The following ARL15 variants were observed in gnomAD, a reference collection of about 807,000 sequenced individuals.
ARL15 encodes ARF like GTPase 15.
A neutral mutation model predicts 25.2 loss-of-function variants in ARL15; 19 were observed. The observed-to-expected ratio is 0.75, with a 90% CI of 0.53 to 1.10. ARL15 has a LOEUF of 1.10. ARL15 is among the 50% of genes least tolerant of loss of function. The probability of loss-of-function intolerance (pLI) is 0.00; values close to 1 mark genes in which losing one functional copy is unlikely to be tolerated. For missense variants in ARL15, 220 were observed against 246.0 expected, an observed-to-expected ratio of 0.89 and a Z score of 0.71; for synonymous variants, 94 against 86.8, an observed-to-expected ratio of 1.08 and a Z score of -0.46.
At chr5:54,218,258 G>GT (rs906415020) in intron 1 of ARL15, among the ~76,000 whole-genome samples, 4 of 152,110 alleles carry the variant, frequency 2.6e-5, no homozygotes, top group Admixed American at 6.5e-5. Context: ...AAAGAGCATG[G>GT]TTTTTTTAAA....
intron 1 of ARL15, among the ~76,000 whole-genome samples, chr5:54,180,198 T>C (rs560402416): frequency 5.0e-4 from 76 of 151,986 alleles, no homozygotes; most frequent in African/African-American, 1.8e-3. Context: ...AATAAGCAAA[T>C]ACTAAATAAA....
At chr5:54,248,427 A>G (rs540973507) in intron 1 of ARL15, among the ~76,000 whole-genome samples, 1 of 152,222 alleles carries the variant, frequency 6.6e-6, no homozygotes, top group African/African-American at 2.4e-5. Flanking sequence ...GGTTGCTCTG[A>G]TTCAGGGCCT....
intron 4 of ARL15, among the ~76,000 whole-genome samples, chr5:54,056,643 AAG>A (rs1491378206): frequency 6.6e-5 from 10 of 151,092 alleles, no homozygotes; most frequent in Admixed American, 5.9e-4. Context: ...AAAAAAAAAA[AAG>A]TCTGATTCAA....
At chr5:54,117,370 T>TAC (rs71600803) in intron 3 of ARL15, among the ~76,000 whole-genome samples, 13,498 of 143,696 alleles carry the variant, frequency 0.094, 673 homozygotes, top group Admixed American at 0.15. Flanking sequence ...GTGAGACACA[T>TAC]ACACACACAC....
chr5:54,246,196 T>C (rs1757083124), intron 1 of ARL15, among the ~76,000 whole-genome samples: 1 of 151,992 alleles, frequency 6.6e-6, no homozygotes, highest in Admixed American at 6.5e-5. Flanking sequence ...TTTTTCTCTG[T>C]CAAATTAAAA....
At chr5:53,959,139 G>C (rs931956654) in intron 4 of ARL15, among the ~76,000 whole-genome samples, 3 of 152,122 alleles carry the variant, frequency 2.0e-5, no homozygotes, top group African/African-American at 7.2e-5. Flanking sequence ...CATTCTCTAA[G>C]ACAGATCATA....
chr5:54,139,800 C>A (rs1316350980), intron 3 of ARL15, among the ~76,000 whole-genome samples: 2 of 151,990 alleles, frequency 1.3e-5, no homozygotes, highest in Non-Finnish European at 2.9e-5. Context: ...CCACTGCACT[C>A]CAGCCTGGGC....
chr5:53,887,269 G>A (rs1225232440), intron 4 of ARL15: 2 of 628,650 alleles, frequency 3.2e-6, no homozygotes, highest in Non-Finnish European at 5.7e-6. Context: ...TGTTTTCTAG[G>A]AAAGAGGATA....
At chr5:54,013,136 A>C (rs1749301187) in intron 4 of ARL15, among the ~76,000 whole-genome samples, 2 of 152,202 alleles carry the variant, frequency 1.3e-5, no homozygotes, top group Admixed American at 6.5e-5. Context: ...TTCAATTTTA[A>C]GACATCTCTA....
chr5:53,904,126 A>T (rs1363211459), intron 4 of ARL15, among the ~76,000 whole-genome samples: 2 of 152,228 alleles, frequency 1.3e-5, no homozygotes, highest in Non-Finnish European at 1.5e-5. Context: ...TAGCACATAG[A>T]GCTATGATAA....
At chr5:54,025,067 TA>T (rs1749744569) in intron 4 of ARL15, among the ~76,000 whole-genome samples, 1 of 151,890 alleles carries the variant, frequency 6.6e-6, no homozygotes, top group South Asian at 2.1e-4. Context: ...CCAATAAAGA[TA>T]AAGGAAAAGT....
chr5:53,938,643 T>C (rs1746431673), intron 4 of ARL15, among the ~76,000 whole-genome samples: 1 of 152,174 alleles, frequency 6.6e-6, no homozygotes, highest in Non-Finnish European at 1.5e-5. Flanking sequence ...CTGGCCAACA[T>C]GGCAAAACCC....
intron 4 of ARL15, among the ~76,000 whole-genome samples, chr5:53,898,997 T>A (rs1268003097): frequency 2.0e-5 from 3 of 152,096 alleles, no homozygotes; most frequent in Non-Finnish European, 4.4e-5. Flanking sequence ...TCTTCTTTCA[T>A]CCCTAATTTT....
chr5:53,998,886 G>A (rs1452389482), intron 4 of ARL15, among the ~76,000 whole-genome samples: 1 of 152,172 alleles, frequency 6.6e-6, no homozygotes, highest in Non-Finnish European at 1.5e-5. Context: ...GTCCCAAATA[G>A]CAGACATGAG....
In ARL15 at chr5:54,221,005, T is replaced by C. The variant is rs899924411; in HGVS notation, c.49-49077A>G. Among the ~76,000 whole-genome samples, 5 of 152,008 alleles carry C rather than the reference T, an allele frequency of 3.3e-5. No individual in the cohort carries two copies. In the South Asian group the frequency reaches 1.0e-3, roughly 32 times the overall value. On this transcript the variant is annotated intron_variant, in intron 1 of 4. Coordinates refer to ENST00000504924, the MANE Select transcript of ARL15 (RefSeq NM_019087.3). Reference sequence around the variant, plus strand: ...ACTTCCCCAACCCCCGCCAAAAAAATCTGACATTTTCTTTCTGCCGAAAGT... The same window carrying C: ...ACTTCCCCAACCCCCGCCAAAAAAACCTGACATTTTCTTTCTGCCGAAAGT...
intron 4 of ARL15, among the ~76,000 whole-genome samples, chr5:54,065,243 T>C (rs1751185833): frequency 6.6e-6 from 1 of 152,234 alleles, no homozygotes. Context: ...CCATGTTTAG[T>C]AATAATTTGT....
At chr5:54,121,516 T>C (rs1179839540) in intron 3 of ARL15, among the ~76,000 whole-genome samples, 1 of 152,226 alleles carries the variant, frequency 6.6e-6, no homozygotes, top group African/African-American at 2.4e-5. Flanking sequence ...TGTAATTAGA[T>C]AAGTCAATGC....
At chr5:54,046,962 G>A (rs1328753619) in intron 4 of ARL15, among the ~76,000 whole-genome samples, 2 of 152,094 alleles carry the variant, frequency 1.3e-5, no homozygotes, top group Non-Finnish European at 1.5e-5. Flanking sequence ...CAACATGCTC[G>A]GTCTTTATCA....
At chr5:54,144,113 TAATA>T (rs1162510350) in intron 3 of ARL15, among the ~76,000 whole-genome samples, 1 of 152,084 alleles carries the variant, frequency 6.6e-6, no homozygotes, top group Non-Finnish European at 1.5e-5. Flanking sequence ...AAATCGTAAT[TAATA>T]GTTTATTTTT....
Sources: gnomAD v4.1 joint callset for allele counts (sites outside exome capture counted in the v4.1 genomes callset) on GRCh38, gnomAD v4.1.1 for gene constraint, MANE v1.5 for transcripts, NCBI Gene and HGNC (gene_info 2026-07-23, HGNC 2026-07-21) for gene names.